The following SCAI variants were observed in gnomAD, a reference collection of about 807,000 sequenced individuals.
SCAI encodes protein SCAI.
SCAI carries 24 observed loss-of-function variants against 92.2 expected under a neutral mutation model. The observed-to-expected ratio is 0.26, with a 90% CI of 0.19 to 0.37. The LOEUF (loss-of-function observed/expected upper bound fraction) is 0.37, where lower values mean the gene tolerates loss of function less well. Ranked by LOEUF, SCAI falls within the 10% of genes least tolerant of loss-of-function variation. SCAI has a pLI of 1.00. For missense variants in SCAI, 450 were observed against 736.2 expected, an observed-to-expected ratio of 0.61 and a Z score of 4.50; for synonymous variants, 261 against 258.6, an observed-to-expected ratio of 1.01 and a Z score of -0.09.
chr9:125,076,993 C>T (rs116555365), intron 2 of SCAI, among the ~76,000 whole-genome samples: 3,538 of 152,188 alleles, frequency 0.023, 143 homozygotes, highest in African/African-American at 0.081. Flanking sequence ...TGAGCCACTG[C>T]GCCCAGCAGA....
At chr9:124,955,627 A>G (rs1378539253) in intron 17 of SCAI, among the ~76,000 whole-genome samples, 1 of 151,998 alleles carries the variant, frequency 6.6e-6, no homozygotes, top group African/African-American at 2.4e-5. Flanking sequence ...TCTCAAAAAA[A>G]ATTTTTTTAA....
rs1422195532 is a variant in SCAI, at chr9:125,091,211, AG to A, written c.99-35205del. On this transcript the variant is annotated intron_variant, in intron 2 of 17. Coordinates refer to ENST00000336505, the MANE Select transcript of SCAI (RefSeq NM_001144877.3). The surrounding 1 kb of genome is among the most constrained non-coding windows in gnomAD (Gnocchi z 4.3). ...ACAGCATCCGGAACCAGACTCCCCT[AG>A]GGGCATGACTTCAGCCATGATTACA... Among the ~76,000 whole-genome samples the A allele has an allele frequency of 1.3e-5, 2 of 152,194 alleles. No homozygotes were observed. Among genetic ancestry groups the A allele is most frequent in the African/African-American group, 2.4e-5 (1 of 41,452 alleles).
Position 125,003,174 on chromosome 9 carries a change from C to T in SCAI, c.1005G>A (p.Lys335=), listed in dbSNP as rs778876314. ...DKPTRRENPH[K]YLLYKPTFSQ... is the part of the protein sequence containing the mutation. ...TGAAGGTTGGTTTGTAGAGCAGATA[C>T]TTGTGGGGGTTTTCTCGTCTAGTAG... Residue 335 remains lysine, a synonymous_variant, in exon 11 of 18, where the codon AAG becomes AAA. Coordinates refer to ENST00000336505, the MANE Select transcript of SCAI (RefSeq NM_001144877.3). 27 of 1,613,910 alleles carry T rather than the reference C, an allele frequency of 1.7e-5. No homozygotes were observed. The Admixed American group carries it at 4.3e-4, about 26-fold the overall frequency.
intron 15 of SCAI, among the ~76,000 whole-genome samples, chr9:124,973,439 TG>T (rs1049499095): frequency 6.6e-6 from 1 of 152,248 alleles, no homozygotes; most frequent in African/African-American, 2.4e-5. Context: ...GGCTCACGCC[TG>T]TAATCCCAGC....
intron 13 of SCAI, among the ~76,000 whole-genome samples, chr9:124,995,603 C>T (rs1306673537): frequency 6.6e-6 from 1 of 152,026 alleles, no homozygotes; most frequent in Non-Finnish European, 1.5e-5. Flanking sequence ...GATCCTCCCA[C>T]CTCAGCCTCC....
intron 2 of SCAI, among the ~76,000 whole-genome samples, chr9:125,126,597 A>T (rs1835285797): frequency 6.6e-6 from 1 of 151,408 alleles, no homozygotes; most frequent in Non-Finnish European, 1.5e-5. Context: ...TGTGAGAGAG[A>T]GAGAGAGAAC....
intron 9 of SCAI, among the ~76,000 whole-genome samples, chr9:125,004,736 T>C (rs1247338318): frequency 9.5e-4 from 15 of 15,800 alleles, no homozygotes; most frequent in Non-Finnish European, 1.5e-3. Context: ...CTGTGATCCA[T>C]ATATATATAT....
chr9:124,975,399 G>C (rs1831735153), intron 15 of SCAI: 1 of 455,522 alleles, frequency 2.2e-6, no homozygotes, highest in Admixed American at 2.4e-5. Flanking sequence ...ACTATTCACA[G>C]TTAGGGAGAT....
At chr9:125,086,264 G>A (rs1017756830) in intron 2 of SCAI, among the ~76,000 whole-genome samples, 3 of 152,086 alleles carry the variant, frequency 2.0e-5, no homozygotes, top group African/African-American at 7.2e-5. Context: ...CTGTTTCCAG[G>A]CAACTCCAAA....
Position 125,032,197 on chromosome 9 carries a change from T to TATA in SCAI, c.231-2459_231-2458insTAT, listed in dbSNP as rs1564386310. 2.2e-3 allele frequency among the ~76,000 whole-genome samples: 187 copies of TATA among 84,546 alleles called. 2 individuals carry two copies. The highest frequency in any genetic ancestry group is 7.7e-3 in the African/African-American group (154 of 19,986). 55.5% of individuals were successfully genotyped at this position (84,546 alleles called of 152,430 possible). A position where few individuals can be genotyped will look rare whatever the true frequency, so the allele number is the denominator to read the frequency against. Reference sequence around the variant, plus strand: ...TATATATATATATATATATATATATTTTTTTTTTTTTTTGAGATGGAGTCT... The same window carrying TATA: ...TATATATATATATATATATATATATTATATTTTTTTTTTTTTGAGATGGAGTCT... On this transcript the variant is annotated intron_variant, in intron 3 of 17. Coordinates refer to ENST00000336505, the MANE Select transcript of SCAI (RefSeq NM_001144877.3).
chr9:124,986,018 G>A (rs117535592), intron 14 of SCAI, among the ~76,000 whole-genome samples: 4,715 of 151,848 alleles, frequency 0.031, 191 homozygotes, highest in Admixed American at 0.091. Flanking sequence ...GTGTCCGGGC[G>A]CGGTGGCTCA....
At chr9:124,968,538 C>G in intron 17 of SCAI, 1 of 875,828 alleles carries the variant, frequency 1.1e-6, no homozygotes, top group Admixed American at 1.7e-5. Flanking sequence ...AGTTAAGACA[C>G]CACTCCCAAA....
intron 3 of SCAI, among the ~76,000 whole-genome samples, chr9:125,030,148 G>A (rs777307719): frequency 2.0e-5 from 3 of 152,170 alleles, no homozygotes; most frequent in South Asian, 2.1e-4. Context: ...TGGTATTACT[G>A]TTCTGCACTA....
chr9:124,971,216 G>T (rs778554629), intron 17 of SCAI, 154 bp downstream of exon 17: 1 of 458,300 alleles, frequency 2.2e-6, no homozygotes, highest in Non-Finnish European at 3.9e-6. Context: ...TTACTTAGCA[G>T]ACCAGTGTGA....
At position 125,082,600 on chromosome 9, in the gene SCAI, G is replaced by A. The variant is rs182379580; in HGVS notation, c.99-26593C>T. Among the ~76,000 whole-genome samples, 9 of 152,350 alleles carry A rather than the reference G, an allele frequency of 5.9e-5. No homozygotes were observed. In the East Asian group the frequency reaches 1.7e-3, roughly 29 times the overall value. On this transcript the variant is annotated intron_variant, in intron 2 of 17. Transcript: ENST00000336505. The stretch of plus-strand genomic sequence containing the variant: ...CCAGCCCATGAAAGCAGCCGGGAGG[G>A]ACACTATACCCTGCAAAGTCACAGG...
chr9:125,043,959 C>T (rs1471460144), intron 3 of SCAI, among the ~76,000 whole-genome samples: 3 of 152,134 alleles, frequency 2.0e-5, no homozygotes, highest in Admixed American at 6.5e-5. Context: ...GCTTTGGACC[C>T]ATGCTTCCCT....
chr9:125,093,048 A>C (rs1431258258), intron 2 of SCAI, among the ~76,000 whole-genome samples: 1 of 151,906 alleles, frequency 6.6e-6, no homozygotes, highest in Admixed American at 6.6e-5. Flanking sequence ...TTCTTGAAAC[A>C]CTCCTGGTTG....
chr9:125,082,214 C>T (rs1371479929), intron 2 of SCAI, among the ~76,000 whole-genome samples: 1 of 152,202 alleles, frequency 6.6e-6, no homozygotes, highest in Non-Finnish European at 1.5e-5. Flanking sequence ...CGAGGTACAG[C>T]TTGGGCTGTT....
chr9:124,991,742 C>T (rs551058014), intron 14 of SCAI, among the ~76,000 whole-genome samples: 1 of 152,124 alleles, frequency 6.6e-6, no homozygotes, highest in East Asian at 1.9e-4. Flanking sequence ...GAGGCTGAGG[C>T]AGGAGAATCG....
Sources: allele counts gnomAD v4.1 joint callset (sites outside exome capture counted in the v4.1 genomes callset), GRCh38; gene constraint gnomAD v4.1.1; non-coding constraint Gnocchi (gnomAD v3.1); transcripts MANE v1.5; gene names NCBI Gene and HGNC (gene_info 2026-07-23, HGNC 2026-07-21).